The following ATP13A5 variants were observed in gnomAD, a reference collection of about 807,000 sequenced individuals.
The protein encoded by ATP13A5 is ATPase 13A5, also known as probable cation-transporting ATPase 13A5.
Under a neutral mutation model 150.2 loss-of-function variants are expected in ATP13A5, and 149 were observed. The observed-to-expected ratio is 0.99, with a 90% CI of 0.87 to 1.14. The LOEUF (loss-of-function observed/expected upper bound fraction) is 1.14, where lower values mean the gene tolerates loss of function less well. Ranked by LOEUF, ATP13A5 falls within the 50% of genes most tolerant of loss-of-function variation. The pLI is 0.00. For missense variants in ATP13A5, 1,383 were observed against 1,449.3 expected (o/e 0.95, Z 0.74); for synonymous variants, 497 against 522.2 (o/e 0.95, Z 0.66).
At chr3:193,326,487 G>A (rs1012808537) in intron 13 of ATP13A5, among the ~76,000 whole-genome samples, 2 of 152,108 alleles carry the variant, frequency 1.3e-5, no homozygotes, top group African/African-American at 4.8e-5. Flanking sequence ...AAATTAATTT[G>A]TCTTTACCCA....
intron 12 of ATP13A5, among the ~76,000 whole-genome samples, chr3:193,328,320 A>G (rs1719546629): frequency 6.6e-6 from 1 of 152,250 alleles, no homozygotes. Flanking sequence ...GAAGGTGCTA[A>G]CACACGAGTG....
At chr3:193,337,548 T>C (rs927002518) in intron 9 of ATP13A5, among the ~76,000 whole-genome samples, 1 of 152,104 alleles carries the variant, frequency 6.6e-6, no homozygotes, top group African/African-American at 2.4e-5. Context: ...TGTAGATGTG[T>C]GGTATTCTTT....
At chr3:193,295,251 A>G (rs1219871218) in intron 25 of ATP13A5, among the ~76,000 whole-genome samples, 3 of 152,020 alleles carry the variant, frequency 2.0e-5, no homozygotes, top group Admixed American at 1.3e-4. Context: ...CCCCATATTT[A>G]TCAGCTTTCT....
At chr3:193,361,478 T>C (rs1353549261) in intron 5 of ATP13A5, among the ~76,000 whole-genome samples, 2 of 152,198 alleles carry the variant, frequency 1.3e-5, no homozygotes, top group Admixed American at 6.5e-5. Flanking sequence ...TTAAAACCTA[T>C]ATTTTAAAGT....
chr3:193,369,708 C>G (rs933957367), intron 1 of ATP13A5, among the ~76,000 whole-genome samples: 1 of 152,152 alleles, frequency 6.6e-6, no homozygotes, highest in African/African-American at 2.4e-5. Context: ...GTCTGAATCT[C>G]AAACCCGTTA....
Position 193,325,571 on chromosome 3 carries a change from T to C in ATP13A5, c.1524-557A>G, listed in dbSNP as rs114240945. Among the ~76,000 whole-genome samples the C allele has an allele frequency of 7.6e-3, 1,157 of 152,302 alleles. 21 individuals are homozygous for C. The highest frequency in any genetic ancestry group is 0.026 in the African/African-American group (1,070 of 41,552). On this transcript the variant is annotated intron_variant, in intron 13 of 29. Transcript: ENST00000342358. ...AGCTGGGAGTCATACCTGCAAACTCTGTAGAGCTGTCTGCAGAAAGCCACA... is the reference window on the plus strand; with the variant it reads ...AGCTGGGAGTCATACCTGCAAACTCCGTAGAGCTGTCTGCAGAAAGCCACA...
At chr3:193,340,875 C>A (rs1712093382) in intron 9 of ATP13A5, among the ~76,000 whole-genome samples, 1 of 152,152 alleles carries the variant, frequency 6.6e-6, no homozygotes, top group African/African-American at 2.4e-5. Flanking sequence ...ATCTTATCTG[C>A]CTTTTTCACT....
intron 13 of ATP13A5, among the ~76,000 whole-genome samples, chr3:193,325,711 C>T (rs931035423): frequency 2.0e-5 from 3 of 152,198 alleles, no homozygotes; most frequent in Non-Finnish European, 4.4e-5. Flanking sequence ...GAGTTTGCCC[C>T]TACTTCTTGA....
At chr3:193,351,028 A>G (rs1237218179) in intron 7 of ATP13A5, 39 bp downstream of exon 7, 2 of 1,602,420 alleles carry the variant, frequency 1.2e-6, no homozygotes, top group Non-Finnish European at 1.7e-6. Context: ...TTCTTTAGCT[A>G]GAAGCTAAAT....
At chr3:193,275,856 A>G (rs1717173384) in intron 29 of ATP13A5, among the ~76,000 whole-genome samples, 1 of 152,186 alleles carries the variant, frequency 6.6e-6, no homozygotes, top group Admixed American at 6.5e-5. Context: ...AACAATTTTT[A>G]TGTAGCTTTA....
Position 193,311,893 on chromosome 3 carries a change from C to G in ATP13A5, c.2368G>C (p.Gly790Arg). The G allele has an allele frequency of 6.2e-7, 1 of 1,613,876 alleles. No individual in the cohort carries two copies. The highest frequency in any genetic ancestry group is 8.5e-7 in the Non-Finnish European group (1 of 1,179,868). ...GNSSTPRGEG[G>R]SCYHFAMSGK... ...CTCATTGCAAAATGGTAACAGCTTC[C>G]TCCTTCCCCACGAGGGGTTGAACTG... Residue 790 changes from glycine to arginine, a missense_variant, in exon 20 of 30, where the codon GGA becomes CGA. Gly to Arg is a moderately radical substitution (Grantham distance 125). Around this residue, in one of 3 missense-constraint regions of ATP13A5, gnomAD observed 568 missense variants for 621.5 expected, o/e 0.91. Coordinates refer to ENST00000342358, the MANE Select transcript of ATP13A5 (RefSeq NM_198505.4).
intron 11 of ATP13A5, among the ~76,000 whole-genome samples, chr3:193,333,077 G>C (rs1711695957): frequency 6.6e-6 from 1 of 151,716 alleles, no homozygotes; most frequent in Non-Finnish European, 1.5e-5. Flanking sequence ...CGTGAACATT[G>C]CCTTGAAATT....
At chr3:193,327,421 C>T (rs2108868799) in intron 12 of ATP13A5, among the ~76,000 whole-genome samples, 1 of 152,154 alleles carries the variant, frequency 6.6e-6, no homozygotes, top group East Asian at 1.9e-4. Flanking sequence ...TGCTATCTCG[C>T]TGAAGCAGAG....
At chr3:193,378,365 C>T (rs1365182403) in intron 1 of ATP13A5, among the ~76,000 whole-genome samples, 1 of 152,070 alleles carries the variant, frequency 6.6e-6, no homozygotes, top group Non-Finnish European at 1.5e-5. Context: ...GGGGAGACAC[C>T]CCACTGAGCA....
chr3:193,324,760 T>G (rs1008029455), intron 14 of ATP13A5, 104 bp downstream of exon 14: 3 of 1,301,376 alleles, frequency 2.3e-6, no homozygotes, highest in Non-Finnish European at 3.2e-6. Context: ...TATACATACA[T>G]TATTATGAAC....
chr3:193,374,362 G>A (rs182191473), intron 1 of ATP13A5, among the ~76,000 whole-genome samples: 1 of 149,216 alleles, frequency 6.7e-6, no homozygotes, highest in African/African-American at 2.5e-5. Context: ...GTGCATTGTG[G>A]CTGGGTGAGG....
chr3:193,306,017 C>T (rs914175728), intron 22 of ATP13A5, among the ~76,000 whole-genome samples: 4 of 152,034 alleles, frequency 2.6e-5, no homozygotes, highest in Admixed American at 1.3e-4. Context: ...TTTGGATGGA[C>T]GTTGGTTGGG....
chr3:193,348,030 T>C (rs971198779), intron 7 of ATP13A5, among the ~76,000 whole-genome samples: 3 of 152,206 alleles, frequency 2.0e-5, no homozygotes, highest in African/African-American at 7.2e-5. Context: ...AATATGTATT[T>C]ATTAGAACCA....
intron 25 of ATP13A5, among the ~76,000 whole-genome samples, chr3:193,297,751 G>T (rs183044456): frequency 6.6e-6 from 1 of 152,134 alleles, no homozygotes; most frequent in Non-Finnish European, 1.5e-5. Flanking sequence ...GGCTCAACAG[G>T]CTATTGCTGT....
Sources: gnomAD v4.1 joint callset for allele counts (sites outside exome capture counted in the v4.1 genomes callset) on GRCh38, gnomAD v4.1.1 for gene constraint, gnomAD v4.1.1 regional missense constraint, MANE v1.5 for transcripts, NCBI Gene and HGNC (gene_info 2026-07-23, HGNC 2026-07-21) for gene names.